Variants in ATAD2B observed in about 807,000 individuals in gnomAD.
The protein encoded by ATAD2B is ATPase family AAA domain containing 2B.
A neutral mutation model predicts 167.6 loss-of-function variants in ATAD2B; 40 were observed. The observed-to-expected ratio is 0.24, with a 90% CI of 0.19 to 0.31. ATAD2B has a LOEUF of 0.31. ATAD2B is among the 10% of genes least tolerant of loss of function. ATAD2B has a pLI of 1.00. For missense variants in ATAD2B, 1,242 were observed against 1,757.2 expected (o/e 0.71, Z 5.24); for synonymous variants, 579 against 596.5 (o/e 0.97, Z 0.43).
At chr2:23,762,037 A>AT in intron 24 of ATAD2B, among the ~76,000 whole-genome samples, 172 bp downstream of exon 24, 1 of 152,228 alleles carries the variant, frequency 6.6e-6, no homozygotes, top group Non-Finnish European at 1.5e-5. Context: ...AATAAAGTTA[A>AT]AGAAATATAT....
intron 2 of ATAD2B, among the ~76,000 whole-genome samples, chr2:23,889,125 A>G (rs1699104807): frequency 6.6e-6 from 1 of 152,228 alleles, no homozygotes; most frequent in South Asian, 2.1e-4. Context: ...TTAAAAAACT[A>G]GGGAAAGGAC....
At chr2:23,863,634 C>A in intron 11 of ATAD2B, 79 bp from the exon 12 acceptor site, 1 of 1,274,634 alleles carries the variant, frequency 7.8e-7, no homozygotes, top group Non-Finnish European at 1.1e-6. Context: ...ATGTCCCCCC[C>A]TTCCATATAA....
Position 23,778,519 on chromosome 2 carries a change from G to A in ATAD2B, c.3133+4350C>T, listed in dbSNP as rs113825790. Among the ~76,000 whole-genome samples the A allele has an allele frequency of 3.9e-3, 589 of 152,118 alleles. 8 individuals are homozygous for A. Among genetic ancestry groups the A allele is most frequent in the African/African-American group, 0.012 (500 of 41,482 alleles). On this transcript the variant is annotated intron_variant, in intron 22 of 27. Transcript: ENST00000238789. ...AGGGTCATTCTAGAGCAAATATGCA[G>A]GTACCCACTAAGAAACCAACTTATA...
At chr2:23,920,196 T>C (rs1703706514) in intron 1 of ATAD2B, among the ~76,000 whole-genome samples, 1 of 151,632 alleles carries the variant, frequency 6.6e-6, no homozygotes, top group Admixed American at 6.6e-5. Flanking sequence ...TGACACATGC[T>C]GTTCTAGGCA....
At position 23,828,936 on chromosome 2, in the gene ATAD2B, T is replaced by C; in HGVS notation, c.1732A>G (p.Arg578Gly). The C allele has an allele frequency of 6.3e-7, 1 of 1,594,588 alleles. No homozygotes were observed. Among genetic ancestry groups the C allele is most frequent in the Non-Finnish European group, 8.6e-7 (1 of 1,167,066 alleles). Residue 578 changes from arginine (R) to glycine (G), a missense_variant, in exon 15 of 28, where the codon AGA (arginine) becomes GGA (glycine). Coordinates refer to ENST00000238789, the MANE Select transcript of ATAD2B (RefSeq NM_017552.4). ...FLFNLPDQKARKHILQIHTRD... is the reference protein window; with the variant it reads ...FLFNLPDQKAGKHILQIHTRD... ...GTATGGATCTGTAAGATGTGTTTTCTTGCCTAAGATGAAAAGCACAGATAC... is the reference window on the plus strand; with the variant it reads ...GTATGGATCTGTAAGATGTGTTTTCCTGCCTAAGATGAAAAGCACAGATAC...
chr2:23,875,938 CTAATAAAT>C, intron 7 of ATAD2B, 34 bp from the exon 8 acceptor site: 1 of 1,401,690 alleles, frequency 7.1e-7, no homozygotes, highest in Non-Finnish European at 9.9e-7. Flanking sequence ...AGAGAAATAA[CTAATAAAT>C]TGATAAATTA....
At chr2:23,909,137 T>TAA (rs571913634) in intron 1 of ATAD2B, among the ~76,000 whole-genome samples, 123 of 87,892 alleles carry the variant, frequency 1.4e-3, no homozygotes, top group Admixed American at 5.0e-3. Flanking sequence ...ATAATAATAA[T>TAA]AAAAAAAAAA....
chr2:23,781,106 C>A (rs1679963559), intron 22 of ATAD2B, among the ~76,000 whole-genome samples: 1 of 151,746 alleles, frequency 6.6e-6, no homozygotes, highest in Non-Finnish European at 1.5e-5. Context: ...CGGCGTACTA[C>A]AATTAAACAT....
At chr2:23,917,899 A>C (rs1703284310) in intron 1 of ATAD2B, among the ~76,000 whole-genome samples, 1 of 152,090 alleles carries the variant, frequency 6.6e-6, no homozygotes. Context: ...TCTCTACTAA[A>C]AATACAAAAT....
chr2:23,849,233 G>A (rs1692176287), intron 13 of ATAD2B, among the ~76,000 whole-genome samples: 1 of 152,086 alleles, frequency 6.6e-6, no homozygotes, highest in Non-Finnish European at 1.5e-5. Context: ...AACAACACAG[G>A]TTGAAAGCAA....
At chr2:23,884,901 G>A in intron 5 of ATAD2B, 28 bp from the exon 6 acceptor site, 1 of 1,394,056 alleles carries the variant, frequency 7.2e-7, no homozygotes, top group Non-Finnish European at 9.8e-7. Context: ...CTGTCAAATA[G>A]CAACATGACA....
intron 13 of ATAD2B, among the ~76,000 whole-genome samples, chr2:23,849,618 C>T (rs1327694821): frequency 1.3e-5 from 2 of 152,192 alleles, no homozygotes; most frequent in East Asian, 3.8e-4. Flanking sequence ...CACTTGAAGT[C>T]AGGAGTTCAA....
chr2:23,754,051 A>T, intron 27 of ATAD2B, 128 bp downstream of exon 27: 1 of 762,136 alleles, frequency 1.3e-6, no homozygotes. Flanking sequence ...TTTGTCTTAA[A>T]TCTTCAAAAC....
the ATAD2B span, among the ~76,000 whole-genome samples, chr2:23,706,325 C>CTAA: frequency 4.0e-5 from 6 of 151,836 alleles, no homozygotes; most frequent in African/African-American, 1.5e-4. Flanking sequence ...TTTTCTTATG[C>CTAA]CAGCCCAGGT....
intron 13 of ATAD2B, among the ~76,000 whole-genome samples, chr2:23,842,720 CCAAACT>C (rs1476323103): frequency 1.3e-5 from 2 of 152,042 alleles, no homozygotes; most frequent in African/African-American, 4.8e-5. Flanking sequence ...TAAGGACACC[CCAAACT>C]CAGTCTACCC....
intron 18 of ATAD2B, among the ~76,000 whole-genome samples, chr2:23,799,018 T>C (rs1422419615): frequency 6.6e-6 from 1 of 152,198 alleles, no homozygotes; most frequent in African/African-American, 2.4e-5. Context: ...TCAATCACGC[T>C]CTGCCAACAC....
intron 15 of ATAD2B, among the ~76,000 whole-genome samples, chr2:23,825,590 A>G (rs1282795880): frequency 6.6e-6 from 1 of 152,194 alleles, no homozygotes; most frequent in Non-Finnish European, 1.5e-5. Flanking sequence ...AGAGTTAACA[A>G]AGTAATCTAA....
the ATAD2B span, among the ~76,000 whole-genome samples, chr2:23,694,394 C>T: frequency 6.6e-6 from 1 of 152,230 alleles, no homozygotes; most frequent in Non-Finnish European, 1.5e-5. Flanking sequence ...GCCAGGATTA[C>T]TGCAGCACCT....
chr2:23,893,189 T>A (rs1699766833), intron 2 of ATAD2B, among the ~76,000 whole-genome samples: 2 of 152,166 alleles, frequency 1.3e-5, no homozygotes, highest in African/African-American at 4.8e-5. Flanking sequence ...ATTACCTAAC[T>A]CTAAAATGGA....
Sources: allele counts gnomAD v4.1 joint callset (sites outside exome capture counted in the v4.1 genomes callset), GRCh38; gene constraint gnomAD v4.1.1; transcripts MANE v1.5; gene names NCBI Gene and HGNC (gene_info 2026-07-23, HGNC 2026-07-21).